Variants in OTOF observed in about 807,000 individuals in gnomAD.
OTOF encodes the protein otoferlin, also known as fer-1-like family member 2.
A neutral mutation model predicts 236.8 loss-of-function variants in OTOF; 218 were observed. The observed-to-expected ratio is 0.92, with a 90% CI of 0.82 to 1.03. The LOEUF (loss-of-function observed/expected upper bound fraction) is 1.03, where lower values mean the gene tolerates loss of function less well. OTOF is among the 50% of genes least tolerant of loss of function. The probability of loss-of-function intolerance (pLI) is 0.00; values close to 1 mark genes in which losing one functional copy is unlikely to be tolerated. For missense variants in OTOF, 2,590 were observed against 2,694.4 expected, an observed-to-expected ratio of 0.96 and a Z score of 0.86; for synonymous variants, 1,041 against 1,072.5, an observed-to-expected ratio of 0.97 and a Z score of 0.57.
chr2:26,474,025 C>T lies in OTOF; in HGVS notation c.3374G>A (p.Gly1125Asp), dbSNP rs1319786921. The change falls in exon 27 of 47, where the codon GGC becomes GAC. Residue 1125 changes from glycine to aspartate, a missense_variant. Transcript: ENST00000272371. ...GTACTTGCTGAGCACGGGCCGGATGCCCATGGGCACGGGCATGATGGGACC... is the reference window on the plus strand; with the variant it reads ...GTACTTGCTGAGCACGGGCCGGATGTCCATGGGCACGGGCATGATGGGACC... ...DRGPIMPVPMGIRPVLSKYRV... is the reference protein window; with the variant it reads ...DRGPIMPVPMDIRPVLSKYRV... 3.1e-6 allele frequency: 5 copies of T among 1,612,886 alleles called. No homozygotes were observed. The highest frequency in any genetic ancestry group is 1.7e-5 in the Admixed American group (1 of 59,996).
rs573409170 is a variant in OTOF, at chr2:26,472,293, T to C, written c.3864+226A>G. 3.9e-5 allele frequency: 23 copies of C among 593,632 alleles called. No individual in the cohort carries two copies. The East Asian group carries it at 6.7e-4, about 17-fold the overall frequency. The allele number at this position is 593,632 out of a possible 1,614,324, so 36.8% of individuals were successfully genotyped here. On this transcript the variant is annotated intron_variant, in intron 30 of 46. Transcript: ENST00000272371. ...CATGCACATATGCACACCACACACA[T>C]GCGCACACACATGCACATTTACATA... is the stretch of plus-strand genomic sequence containing the variant.
At chr2:26,495,297 G>T (rs189837957) in intron 8 of OTOF, among the ~76,000 whole-genome samples, 1 of 152,286 alleles carries the variant, frequency 6.6e-6, no homozygotes, top group East Asian at 1.9e-4. Flanking sequence ...GTATGAGTTG[G>T]CTAACCTCTA....
chr2:26,549,050 A>C (rs1351285071), intron 1 of OTOF, among the ~76,000 whole-genome samples: 1 of 152,194 alleles, frequency 6.6e-6, no homozygotes, highest in Non-Finnish European at 1.5e-5. Flanking sequence ...TTTCTGCTGT[A>C]AGTACTTAAA....
Position 26,477,064 on chromosome 2 carries a change from A to C in OTOF, c.2524-21T>G. 5.2e-5 allele frequency: 45 copies of C among 864,198 alleles called. No homozygotes were observed. Among genetic ancestry groups the C allele is most frequent in the Non-Finnish European group, 7.9e-5 (43 of 544,568 alleles). 53.5% of individuals were successfully genotyped at this position (864,198 alleles called of 1,614,324 possible). A position where few individuals can be genotyped will look rare whatever the true frequency, so the allele number is the denominator to read the frequency against. ...TGGGGCTGGGGGTTGGGGGGTGGCCAGGGGCAGTGGGTAAGGGGGTCTAGC... is the reference window on the plus strand; with the variant it reads ...TGGGGCTGGGGGTTGGGGGGTGGCCCGGGGCAGTGGGTAAGGGGGTCTAGC... On this transcript the variant is annotated intron_variant, in intron 21 of 46. Coordinates refer to ENST00000272371, the MANE Select transcript of OTOF (RefSeq NM_194248.3). The surrounding 1 kb of genome is among the most constrained non-coding windows in gnomAD (Gnocchi z 4.7).
chr2:26,506,373 T>G lies in OTOF; in HGVS notation c.510-2528A>C, dbSNP rs185028146. 2.9e-3 allele frequency among the ~76,000 whole-genome samples: 444 copies of G among 152,344 alleles called. 3 individuals are homozygous for G. Among genetic ancestry groups the G allele is most frequent in the Non-Finnish European group, 1.5e-3 (101 of 68,032 alleles). ...TGACCTACATAGTTAGCCTTTGCCA[T>G]TGCAGCCTGCTCCAGCCACAGACTT... is the stretch of plus-strand genomic sequence containing the variant. On this transcript the variant is annotated intron_variant, in intron 5 of 46. Coordinates refer to ENST00000272371, the MANE Select transcript of OTOF (RefSeq NM_194248.3).
intron 5 of OTOF, among the ~76,000 whole-genome samples, chr2:26,514,039 G>C (rs746754592): frequency 6.6e-6 from 1 of 152,196 alleles, no homozygotes; most frequent in South Asian, 2.1e-4. Flanking sequence ...TCTTGAACCC[G>C]CTCCACCTTC....
At chr2:26,468,497 G>A (rs1385864975) in intron 32 of OTOF, 23 bp from the exon 33 acceptor site, 4 of 1,608,622 alleles carry the variant, frequency 2.5e-6, no homozygotes, top group Admixed American at 1.7e-5. Context: ...GAGATGAAAA[G>A]GACAGAAGGT....
chr2:26,525,538 G>T (rs575912571), intron 3 of OTOF, among the ~76,000 whole-genome samples: 1 of 152,346 alleles, frequency 6.6e-6, no homozygotes, highest in East Asian at 1.9e-4. Flanking sequence ...TTCTGGGAGG[G>T]TAGGGGCAGG....
chr2:26,558,468 C>G, intron 1 of OTOF, 25 bp downstream of exon 1: 1 of 1,601,366 alleles, frequency 6.2e-7, no homozygotes, highest in Non-Finnish European at 8.6e-7. Flanking sequence ...GAGCTGGCGT[C>G]CCTCTGAGAC....
intron 8 of OTOF, among the ~76,000 whole-genome samples, chr2:26,500,979 C>A (rs1666103055): frequency 1.3e-5 from 2 of 152,174 alleles, no homozygotes; most frequent in Admixed American, 1.3e-4. Flanking sequence ...CTCTTGCAAG[C>A]CCTGTCCCCT....
rs185671315 is a variant in OTOF, at chr2:26,539,033, G to C, written c.80-1259C>G. ...TCACCATGTTGGCCAGGCTCGTCTGGAACTCTTGACCTCAAATGACCCGCC... is the reference window on the plus strand; with the variant it reads ...TCACCATGTTGGCCAGGCTCGTCTGCAACTCTTGACCTCAAATGACCCGCC... On this transcript the variant is annotated intron_variant, in intron 1 of 46. Transcript: ENST00000272371. Among the ~76,000 whole-genome samples, 180 of 152,124 alleles carry C rather than the reference G, an allele frequency of 1.2e-3. 3 individuals are homozygous for C. The highest frequency in any genetic ancestry group is 6.2e-4 in the Non-Finnish European group (42 of 67,984).
intron 13 of OTOF, among the ~76,000 whole-genome samples, chr2:26,483,026 C>T (rs1442538577): frequency 8.0e-4 from 67 of 83,714 alleles, no homozygotes; most frequent in African/African-American, 2.8e-3. Flanking sequence ...GGTGTGTGTG[C>T]GTGTGTGAGT....
At chr2:26,519,208 G>A (rs1371471052) in intron 3 of OTOF, 99 bp from the exon 4 acceptor site, 4 of 837,438 alleles carry the variant, frequency 4.8e-6, no homozygotes, top group Non-Finnish European at 7.9e-6. Flanking sequence ...GGAGGACTCA[G>A]GTGGGCTTGC....
intron 11 of OTOF, among the ~76,000 whole-genome samples, chr2:26,487,759 G>A (rs920342575): frequency 2.0e-5 from 3 of 152,210 alleles, no homozygotes; most frequent in Non-Finnish European, 4.4e-5. Context: ...TTATCCTCAG[G>A]GATGCCAGTC....
chr2:26,527,388 C>G (rs1379991242), intron 3 of OTOF, among the ~76,000 whole-genome samples: 2 of 152,234 alleles, frequency 1.3e-5, no homozygotes, highest in Non-Finnish European at 2.9e-5. Context: ...TGAGATCAGG[C>G]TTGCCTGACT....
intron 5 of OTOF, among the ~76,000 whole-genome samples, chr2:26,504,813 C>T (rs1471447897): frequency 3.3e-5 from 5 of 152,202 alleles, no homozygotes; most frequent in Non-Finnish European, 5.9e-5. Flanking sequence ...ATACCTGACT[C>T]TCTCCACTTC....
At chr2:26,553,800 T>A (rs1450343820) in intron 1 of OTOF, among the ~76,000 whole-genome samples, 1 of 152,180 alleles carries the variant, frequency 6.6e-6, no homozygotes, top group Non-Finnish European at 1.5e-5. Flanking sequence ...CCTTCCTCTG[T>A]CTTCCCCTAA....
intron 2 of OTOF, among the ~76,000 whole-genome samples, chr2:26,535,284 G>T (rs969026001): frequency 2.0e-5 from 3 of 152,194 alleles, no homozygotes; most frequent in African/African-American, 4.8e-5. Flanking sequence ...GCCGCTTCCA[G>T]CTCTGTCACC....
rs569557675 is a variant in OTOF, at chr2:26,525,953, G to A, written c.227+1879C>T. On this transcript the variant is annotated intron_variant, in intron 3 of 46. Transcript: ENST00000272371. ...AATACAAAAATTAGCTGGGCACGGT[G>A]GTGAGCACCTCTAATCCCAGCTACT... Among the ~76,000 whole-genome samples, 32 of 152,154 alleles carry A rather than the reference G, an allele frequency of 2.1e-4. 1 individual carries two copies. Among genetic ancestry groups the A allele is most frequent in the Non-Finnish European group, 4.6e-4 (31 of 67,994 alleles).
Sources: allele counts gnomAD v4.1 joint callset (sites outside exome capture counted in the v4.1 genomes callset), GRCh38; gene constraint gnomAD v4.1.1; non-coding constraint Gnocchi (gnomAD v3.1); transcripts MANE v1.5; gene names NCBI Gene and HGNC (gene_info 2026-07-23, HGNC 2026-07-21).